Variants in STAB2 observed in about 807,000 individuals in gnomAD.
The protein encoded by STAB2 is stabilin 2.
Under a neutral mutation model 338.1 loss-of-function variants are expected in STAB2, and 288 were observed. That is an observed-to-expected ratio of 0.85 (90% CI 0.77 to 0.94). The LOEUF (loss-of-function observed/expected upper bound fraction) is 0.94, where lower values mean the gene tolerates loss of function less well. STAB2 is among the 40% of genes least tolerant of loss of function. The probability of loss-of-function intolerance (pLI) is 0.00; values close to 1 mark genes in which losing one functional copy is unlikely to be tolerated. For synonymous variants in STAB2, 1,202 were observed against 1,193.3 expected, an observed-to-expected ratio of 1.01 and a Z score of -0.15; for missense variants, 3,141 against 3,210.1, an observed-to-expected ratio of 0.98 and a Z score of 0.52.
intron 41 of STAB2, among the ~76,000 whole-genome samples, 186 bp from the exon 42 acceptor site, chr12:103,713,457 A>G (rs1232952857): frequency 6.6e-6 from 1 of 152,162 alleles, no homozygotes; most frequent in African/African-American, 2.4e-5. Context: ...ATGCTAATAA[A>G]AGCAGCTAGA....
intron 9 of STAB2, among the ~76,000 whole-genome samples, chr12:103,644,935 T>C (rs953535410): frequency 2.6e-5 from 4 of 152,180 alleles, no homozygotes; most frequent in African/African-American, 4.8e-5. Context: ...TGTATACACC[T>C]ACTATGTACC....
intron 18 of STAB2, 67 bp from the exon 19 acceptor site, chr12:103,666,224 C>T: frequency 6.6e-7 from 1 of 1,515,126 alleles, no homozygotes; most frequent in Non-Finnish European, 9.2e-7. Context: ...TGAAACCAGC[C>T]ACAGGACCAT....
chr12:103,761,158 A>T, intron 65 of STAB2, 142 bp from the exon 66 acceptor site: 1 of 685,854 alleles, frequency 1.5e-6, no homozygotes, highest in Non-Finnish European at 2.5e-6. Flanking sequence ...CCAGAGGGTG[A>T]GGAGAAGTCC....
intron 24 of STAB2, 53 bp from the exon 25 acceptor site, chr12:103,677,400 C>A: frequency 6.5e-7 from 1 of 1,545,320 alleles, no homozygotes; most frequent in Non-Finnish European, 8.8e-7. Flanking sequence ...TTTTTGGAAT[C>A]ATGTGGCTGG....
intron 68 of STAB2, chr12:103,763,826 AAAC>A: frequency 2.2e-6 from 1 of 464,684 alleles, no homozygotes; most frequent in Non-Finnish European, 3.8e-6. Flanking sequence ...ATCCTTGAAC[AAAC>A]AGAGACAGGC....
chr12:103,750,504 G>A (rs1442013207), intron 59 of STAB2, 75 bp from the exon 60 acceptor site: 2 of 1,576,772 alleles, frequency 1.3e-6, no homozygotes, highest in Non-Finnish European at 1.7e-6. Context: ...GCTGGACATT[G>A]GTCCCATGGG....
chr12:103,751,450 A>C (rs1883643705), intron 60 of STAB2, among the ~76,000 whole-genome samples: 1 of 152,178 alleles, frequency 6.6e-6, no homozygotes, highest in African/African-American at 2.4e-5. Context: ...CCATGACATA[A>C]AGTTTCCATC....
chr12:103,688,476 G>A (rs1267094322), intron 28 of STAB2, among the ~76,000 whole-genome samples: 1 of 152,138 alleles, frequency 6.6e-6, no homozygotes, highest in Non-Finnish European at 1.5e-5. Flanking sequence ...CCAGAAAGGG[G>A]GCTTCATTCA....
At chr12:103,660,119 C>T (rs1041998622) in intron 15 of STAB2, among the ~76,000 whole-genome samples, 6 of 152,158 alleles carry the variant, frequency 3.9e-5, no homozygotes, top group African/African-American at 7.2e-5. Context: ...TTAAATGAGA[C>T]GTGCATATTA....
At chr12:103,669,512 C>A (rs765454412) in intron 20 of STAB2, 29 bp from the exon 21 acceptor site, 2 of 1,598,784 alleles carry the variant, frequency 1.3e-6, no homozygotes, top group Non-Finnish European at 1.7e-6. Context: ...CTTGGGGGTT[C>A]AAAGGGGAAC....
At chr12:103,743,341 G>A (rs1243407185) in intron 56 of STAB2, among the ~76,000 whole-genome samples, 5 of 152,222 alleles carry the variant, frequency 3.3e-5, no homozygotes, top group Admixed American at 2.0e-4. Context: ...CTAATGTCTA[G>A]GGATTTGTGG....
chr12:103,673,220 C>T (rs545861564), intron 22 of STAB2, among the ~76,000 whole-genome samples: 2 of 152,312 alleles, frequency 1.3e-5, no homozygotes, highest in East Asian at 1.9e-4. Flanking sequence ...TGAGAAATTT[C>T]CAGGCTAAAC....
chr12:103,617,650 G>A (rs1053869004), intron 3 of STAB2, among the ~76,000 whole-genome samples: 4 of 152,214 alleles, frequency 2.6e-5, no homozygotes, highest in Non-Finnish European at 5.9e-5. Context: ...TACTAGCCTA[G>A]TTGGTGAGAG....
chr12:103,633,415 G>A (rs1957495298), intron 6 of STAB2, among the ~76,000 whole-genome samples: 2 of 152,234 alleles, frequency 1.3e-5, no homozygotes, highest in African/African-American at 2.4e-5. Context: ...GGGCCTGGTG[G>A]TTCATGCCTG....
intron 48 of STAB2, 123 bp downstream of exon 48, chr12:103,729,118 T>A: frequency 1.1e-6 from 1 of 871,376 alleles, no homozygotes; most frequent in Non-Finnish European, 1.8e-6. Flanking sequence ...CAATGCTGCA[T>A]GTCCTCACTT....
intron 3 of STAB2, among the ~76,000 whole-genome samples, chr12:103,610,296 G>A (rs7965670): frequency 0.024 from 3,729 of 152,228 alleles, 66 homozygotes; most frequent in Middle Eastern, 0.048. Context: ...GGTAGACTTC[G>A]GCTGTGAATC....
intron 26 of STAB2, among the ~76,000 whole-genome samples, chr12:103,684,185 G>A (rs142589118): frequency 5.3e-5 from 8 of 152,188 alleles, no homozygotes; most frequent in African/African-American, 9.6e-5. Context: ...TGAGGTAAAC[G>A]GTTCCCCCAC....
chr12:103,746,881 C>T (rs1005459162), intron 58 of STAB2, among the ~76,000 whole-genome samples, 177 bp downstream of exon 58: 1 of 152,112 alleles, frequency 6.6e-6, no homozygotes, highest in African/African-American at 2.4e-5. Context: ...ATCTGCTCAC[C>T]CTCTAGGTCA....
chr12:103,710,282 C>A (rs182063031), intron 39 of STAB2, among the ~76,000 whole-genome samples: 48 of 152,324 alleles, frequency 3.2e-4, no homozygotes, highest in Admixed American at 2.0e-4. Flanking sequence ...GTTTTCCAGA[C>A]TTATCTCCCA....
Sources: gnomAD v4.1 joint callset for allele counts (sites outside exome capture counted in the v4.1 genomes callset) on GRCh38, gnomAD v4.1.1 for gene constraint, MANE v1.5 for transcripts, NCBI Gene and HGNC (gene_info 2026-07-23, HGNC 2026-07-21) for gene names.